Variants in SCEL observed in about 807,000 individuals in gnomAD.
SCEL encodes the protein sciellin.
SCEL carries 113 observed loss-of-function variants against 117.6 expected under a neutral mutation model. The ratio of observed to expected loss-of-function variants is 0.96; its 90% CI spans 0.83 to 1.12. The LOEUF is 1.12. SCEL is among the 50% of genes most tolerant of loss of function. The pLI, the probability that SCEL is intolerant of heterozygous loss-of-function variation, is 0.00. For missense variants in SCEL, 785 were observed against 810.8 expected (o/e 0.97, Z 0.39); for synonymous variants, 270 against 256.2 (o/e 1.05, Z -0.51).
At chr13:77,593,459 C>T (rs2087035444) in intron 11 of SCEL, 55 bp from the exon 12 acceptor site, 2 of 1,344,516 alleles carry the variant, frequency 1.5e-6, no homozygotes, top group South Asian at 2.4e-5. Flanking sequence ...AATTTTAGCT[C>T]CTTCAAAAAT....
chr13:77,631,157 A>C (rs1225809772), intron 28 of SCEL, among the ~76,000 whole-genome samples: 1 of 152,200 alleles, frequency 6.6e-6, no homozygotes, highest in African/African-American at 2.4e-5. Context: ...ACCCCAAACC[A>C]GTTAAATTAG....
chr13:77,543,423 G>T (rs979619964), intron 1 of SCEL, among the ~76,000 whole-genome samples: 1 of 152,138 alleles, frequency 6.6e-6, no homozygotes, highest in African/African-American at 2.4e-5. Context: ...AAAGAGATTT[G>T]CCCTGGGCAA....
intron 23 of SCEL, among the ~76,000 whole-genome samples, 188 bp downstream of exon 23, chr13:77,613,129 G>T (rs541015967): frequency 2.0e-5 from 3 of 151,742 alleles, no homozygotes; most frequent in African/African-American, 7.3e-5. Context: ...TTATATTATT[G>T]TAGAAAATTA....
chr13:77,538,120 T>G (rs1029225525), intron 1 of SCEL, among the ~76,000 whole-genome samples: 1 of 151,704 alleles, frequency 6.6e-6, no homozygotes, highest in Non-Finnish European at 1.5e-5. Flanking sequence ...AAAGTCTTTT[T>G]TTTTTTTTTT....
chr13:77,606,677 TTGAGTC>T (rs1594102301), intron 19 of SCEL: 1 of 152,228 alleles, frequency 6.6e-6, no homozygotes, highest in East Asian at 1.9e-4. Flanking sequence ...TATTGCTACT[TTGAGTC>T]TGTATATCAC....
At chr13:77,545,785 A>G (rs1484252732) in intron 1 of SCEL, among the ~76,000 whole-genome samples, 2 of 152,238 alleles carry the variant, frequency 1.3e-5, no homozygotes, top group Non-Finnish European at 2.9e-5. Flanking sequence ...GATGTAGGAG[A>G]GATGCCAAAA....
intron 9 of SCEL, among the ~76,000 whole-genome samples, chr13:77,572,750 T>A (rs890609774): frequency 1.3e-5 from 2 of 152,236 alleles, no homozygotes; most frequent in East Asian, 1.9e-4. Context: ...TCTGTCCTAC[T>A]ACAGTATGAC....
chr13:77,632,187 G>C (rs938920479), intron 28 of SCEL, among the ~76,000 whole-genome samples: 1 of 152,122 alleles, frequency 6.6e-6, no homozygotes, highest in African/African-American at 2.4e-5. Context: ...AAATTTTGGG[G>C]GAATACATCT....
chr13:77,602,428 C>A, intron 16 of SCEL: 2 of 492,094 alleles, frequency 4.1e-6, no homozygotes, highest in Admixed American at 7.3e-5. Context: ...AATTGCACAG[C>A]GAGAGCCACA....
chr13:77,562,526 T>C (rs1224031578), intron 4 of SCEL, among the ~76,000 whole-genome samples: 1 of 152,190 alleles, frequency 6.6e-6, no homozygotes, highest in African/African-American at 2.4e-5. Flanking sequence ...CTTCATTCCA[T>C]AAAGCCTCCT....
chr13:77,598,963 T>C (rs1471868559), intron 13 of SCEL, among the ~76,000 whole-genome samples: 1 of 152,174 alleles, frequency 6.6e-6, no homozygotes, highest in African/African-American at 2.4e-5. Flanking sequence ...ATTACAGGCA[T>C]AAGCCACTAC....
At chr13:77,600,121 A>T (rs546864281) in intron 15 of SCEL, 2 of 174,194 alleles carry the variant, frequency 1.1e-5, no homozygotes, top group Non-Finnish European at 2.4e-5. Flanking sequence ...TGCTGGGAGC[A>T]TAGCCCCTCA....
intron 24 of SCEL, among the ~76,000 whole-genome samples, chr13:77,615,598 G>A (rs969315404): frequency 6.6e-6 from 1 of 151,804 alleles, no homozygotes; most frequent in Admixed American, 6.6e-5. Context: ...CATTCTTAAA[G>A]CTAAATAAAT....
intron 4 of SCEL, among the ~76,000 whole-genome samples, chr13:77,562,265 G>A (rs956194379): frequency 3.3e-5 from 5 of 152,182 alleles, no homozygotes; most frequent in Non-Finnish European, 7.3e-5. Context: ...TAGAGACATA[G>A]TGATGGTGTC....
chr13:77,617,660 T>C lies in SCEL; in HGVS notation c.1511+2T>C, dbSNP rs754222053. 2.5e-6 allele frequency: 4 copies of C among 1,577,134 alleles called. No homozygotes were observed. In the African/African-American group the frequency reaches 5.4e-5, roughly 21 times the overall value. On this transcript the variant is annotated splice_donor_variant, in intron 25 of 32. Coordinates refer to ENST00000349847, the MANE Select transcript of SCEL (RefSeq NM_144777.3). LOFTEE classifies it high-confidence loss of function. ...TGAAATTTTCACAAACAACCAAAGG[T>C]AATAAAACTATGTTGTTTTAATGTA...
chr13:77,613,820 A>G (rs2088840564), intron 23 of SCEL, 73 bp from the exon 24 acceptor site: 2 of 1,138,778 alleles, frequency 1.8e-6, no homozygotes, highest in African/African-American at 3.1e-5. Context: ...ATTCTATTGA[A>G]TGACTTGCAC....
rs1338465888 is a variant in SCEL, at chr13:77,627,976, TA to T, written c.1661del (p.Asn554IlefsTer77). The T allele has an allele frequency of 8.0e-6, 12 of 1,504,220 alleles. No homozygotes were observed. Among genetic ancestry groups the T allele is most frequent in the African/African-American group, 1.4e-5 (1 of 72,646 alleles). The allele number at this position is 1,504,220 out of a possible 1,614,324, so 93.2% of individuals were successfully genotyped here. On this transcript the variant is annotated frameshift_variant, in exon 28 of 33. Coordinates refer to ENST00000349847, the MANE Select transcript of SCEL (RefSeq NM_144777.3). LOFTEE classifies it high-confidence loss of function. ...RDQNLENLIE[V>X]NSHVSENKNG... is the part of the protein sequence containing the mutation. ...CAGAACCTGGAAAATTTAATTGAAG[TA>T]AATTCTCATGTGTCTGAAAACAAGA...
chr13:77,561,697 A>G (rs761661858), intron 4 of SCEL, among the ~76,000 whole-genome samples: 4 of 152,234 alleles, frequency 2.6e-5, no homozygotes, highest in Admixed American at 6.5e-5. Context: ...ACTAAAGTTT[A>G]TCACGGAAAG....
chr13:77,604,830 A>G (rs2088011639), intron 19 of SCEL, among the ~76,000 whole-genome samples: 2 of 152,078 alleles, frequency 1.3e-5, no homozygotes, highest in South Asian at 4.1e-4. Context: ...GTGCATGTGT[A>G]TCAGTAGTAT....
Sources: allele counts gnomAD v4.1 joint callset (sites outside exome capture counted in the v4.1 genomes callset), GRCh38; gene constraint gnomAD v4.1.1; transcripts MANE v1.5; gene names NCBI Gene and HGNC (gene_info 2026-07-23, HGNC 2026-07-21).